Variants in SCAND3 observed in about 807,000 individuals in gnomAD.
SCAND3 encodes SCAN domain-containing protein 3.
chr6:28,598,368 G>A, the SCAND3 span, among the ~76,000 whole-genome samples: 3 of 152,074 alleles, frequency 2.0e-5, no homozygotes, highest in African/African-American at 4.8e-5. Flanking sequence ...GGGTGTTTTT[G>A]TTTTTGTTTT....
At chr6:28,574,611 CTGCT>C in the SCAND3 span, 34 of 1,568,186 alleles carry the variant, frequency 2.2e-5, no homozygotes, top group Non-Finnish European at 3.0e-5. Flanking sequence ...GATTCTTCCC[CTGCT>C]TTCATCTACG....
the SCAND3 span, chr6:28,593,643 C>G: frequency 1.3e-5 from 2 of 152,264 alleles, no homozygotes; most frequent in South Asian, 4.1e-4. Flanking sequence ...CCATTGCACT[C>G]CAGCCTAGGG....
chr6:28,603,433 A>G, the SCAND3 span, among the ~76,000 whole-genome samples: 1 of 152,112 alleles, frequency 6.6e-6, no homozygotes, highest in African/African-American at 2.4e-5. Context: ...CTTTCTTTGC[A>G]GAAATCTATA....
the SCAND3 span, chr6:28,572,121 G>C: frequency 1.4e-5 from 23 of 1,614,046 alleles, no homozygotes; most frequent in East Asian, 4.9e-4. The surrounding 1 kb of genome is among the most constrained non-coding windows in gnomAD (Gnocchi z 4.1). Flanking sequence ...GCTCAGGATA[G>C]TCATTTTTAG....
chr6:28,586,520 G>T, the SCAND3 span: 1 of 1,614,104 alleles, frequency 6.2e-7, no homozygotes, highest in African/African-American at 1.3e-5. This position sits in a 1 kb window ranked among gnomAD's most constrained non-coding sequence, Gnocchi z 4.4. Flanking sequence ...GAGCCTCCCT[G>T]GGCCCAGGTG....
At chr6:28,602,396 C>T in the SCAND3 span, among the ~76,000 whole-genome samples, 1 of 152,094 alleles carries the variant, frequency 6.6e-6, no homozygotes, top group Non-Finnish European at 1.5e-5. Flanking sequence ...TTAGTAGAGA[C>T]AGGGTTTCAC....
chr6:28,610,916 A>C, the SCAND3 span, among the ~76,000 whole-genome samples: 11 of 152,336 alleles, frequency 7.2e-5, no homozygotes, highest in South Asian at 2.1e-4. Flanking sequence ...TGATTAAAAT[A>C]CTGCATTCCC....
chr6:28,593,139 A>G, the SCAND3 span, among the ~76,000 whole-genome samples: 1 of 152,172 alleles, frequency 6.6e-6, no homozygotes, highest in Non-Finnish European at 1.5e-5. Context: ...AGAATGGGAA[A>G]ACATTTGCAA....
At chr6:28,605,781 G>T in the SCAND3 span, among the ~76,000 whole-genome samples, 3 of 152,144 alleles carry the variant, frequency 2.0e-5, no homozygotes, top group Non-Finnish European at 2.9e-5. Flanking sequence ...GGGAGGCGGA[G>T]GTTGCAGTGA....
the SCAND3 span, chr6:28,574,917 G>C: frequency 6.2e-7 from 1 of 1,613,702 alleles, no homozygotes; most frequent in African/African-American, 1.3e-5. Context: ...ATCTTAGTCT[G>C]CTCTCAGGAG....
the SCAND3 span, chr6:28,573,363 T>A: frequency 6.2e-7 from 1 of 1,614,138 alleles, no homozygotes; most frequent in Non-Finnish European, 8.5e-7. Flanking sequence ...CTTTCACTAG[T>A]GTCTCAGCAA....
the SCAND3 span, among the ~76,000 whole-genome samples, chr6:28,605,368 A>G: frequency 1.3e-5 from 2 of 152,240 alleles, no homozygotes; most frequent in African/African-American, 2.4e-5. Context: ...AAAGTGTACT[A>G]TCCAGAGACT....
chr6:28,577,241 T>G, the SCAND3 span, among the ~76,000 whole-genome samples: 1 of 152,098 alleles, frequency 6.6e-6, no homozygotes, highest in Admixed American at 6.5e-5. Flanking sequence ...GGCTAAGTGT[T>G]AAGGAAAAAA....
At chr6:28,575,662 A>C in the SCAND3 span, 1 of 1,614,150 alleles carries the variant, frequency 6.2e-7, no homozygotes, top group Non-Finnish European at 8.5e-7. This position sits in a 1 kb window ranked among gnomAD's most constrained non-coding sequence, Gnocchi z 4.2. Context: ...TGGTTTACAG[A>C]GGGTCAGATA....
At chr6:28,615,641 T>C in the SCAND3 span, among the ~76,000 whole-genome samples, 6 of 150,970 alleles carry the variant, frequency 4.0e-5, no homozygotes, top group Non-Finnish European at 1.5e-5. Context: ...AAAAAGTACT[T>C]GGAGTTGTCA....
At chr6:28,586,631 T>G in the SCAND3 span, 1 of 1,614,194 alleles carries the variant, frequency 6.2e-7, no homozygotes, top group Non-Finnish European at 8.5e-7. This position sits in a 1 kb window ranked among gnomAD's most constrained non-coding sequence, Gnocchi z 4.4. Context: ...TGTGGTCTTC[T>G]TCTTTAACCT....
chr6:28,600,435 C>T, the SCAND3 span, among the ~76,000 whole-genome samples: 7 of 152,100 alleles, frequency 4.6e-5, no homozygotes, highest in African/African-American at 1.7e-4. Flanking sequence ...GAGTTCGAGA[C>T]CAGCCTGGCC....
the SCAND3 span, among the ~76,000 whole-genome samples, chr6:28,607,073 A>G: frequency 1.3e-5 from 2 of 152,204 alleles, no homozygotes; most frequent in East Asian, 1.9e-4. Context: ...GTTTGCATTC[A>G]TGATTTCATT....
chr6:28,579,209 T>G, the SCAND3 span: 8 of 1,460,026 alleles, frequency 5.5e-6, no homozygotes, highest in Non-Finnish European at 7.5e-6. This position sits in a 1 kb window ranked among gnomAD's most constrained non-coding sequence, Gnocchi z 4.5. Flanking sequence ...TTGATAACTT[T>G]CAATACTAGA....
Sources: allele counts gnomAD v4.1 joint callset (sites outside exome capture counted in the v4.1 genomes callset), GRCh38; gene constraint gnomAD v4.1.1; non-coding constraint Gnocchi (gnomAD v3.1); transcripts MANE v1.5; gene names NCBI Gene and HGNC (gene_info 2026-07-23, HGNC 2026-07-21).